The following UNC13C variants were observed in gnomAD, a reference collection of about 807,000 sequenced individuals.
UNC13C encodes unc-13 homolog C.
In UNC13C, 174 loss-of-function variants were observed where a neutral mutation model predicts 245.4. That is an observed-to-expected ratio of 0.71 (90% CI 0.63 to 0.80). UNC13C has a LOEUF of 0.80. UNC13C is among the 30% of genes least tolerant of loss of function. The pLI is 0.00. For synonymous variants in UNC13C, 992 were observed against 895.1 expected, an observed-to-expected ratio of 1.11 and a Z score of -1.93; for missense variants, 2,829 against 2,602.9, an observed-to-expected ratio of 1.09 and a Z score of -1.89.
At chr15:54,446,514 C>T (rs1434355314) in intron 19 of UNC13C, among the ~76,000 whole-genome samples, 1 of 152,144 alleles carries the variant, frequency 6.6e-6, no homozygotes, top group Non-Finnish European at 1.5e-5. Context: ...CTTCACATCC[C>T]TTGTAAGTTG....
chr15:54,053,963 G>A (rs1351523076), intron 2 of UNC13C, among the ~76,000 whole-genome samples: 3 of 152,164 alleles, frequency 2.0e-5, no homozygotes, highest in African/African-American at 7.2e-5. Context: ...TGTTGCAAAT[G>A]ACAGGATCTC....
At chr15:54,060,218 C>T (rs4776203) in intron 2 of UNC13C, among the ~76,000 whole-genome samples, 129,189 of 152,104 alleles carry the variant, frequency 0.85, 55,076 homozygotes, top group Middle Eastern at 0.92. Flanking sequence ...AACCTACTCA[C>T]CTGATAGAGG....
At chr15:54,231,900 A>T (rs928028746) in intron 4 of UNC13C, among the ~76,000 whole-genome samples, 2 of 152,092 alleles carry the variant, frequency 1.3e-5, no homozygotes, top group Admixed American at 6.5e-5. Flanking sequence ...TCTTGCCTAG[A>T]AAGTAAATGA....
rs571720936 is a variant in UNC13C, at chr15:54,556,010, T to C, written c.5958+498T>C. Reference sequence around the variant, plus strand: ...ATTTTCTGCTGAATACCCAAAGATGTCGTTTGTACGCATCAGCTGTTTTCA... The same window carrying C: ...ATTTTCTGCTGAATACCCAAAGATGCCGTTTGTACGCATCAGCTGTTTTCA... On this transcript the variant is annotated intron_variant, in intron 29 of 32. Transcript: ENST00000260323. 2.0e-3 allele frequency among the ~76,000 whole-genome samples: 303 copies of C among 152,228 alleles called. 1 individual carries two copies. Among genetic ancestry groups the C allele is most frequent in the African/African-American group, 7.0e-3 (291 of 41,572 alleles).
At chr15:54,194,377 C>T (rs944322976) in intron 4 of UNC13C, among the ~76,000 whole-genome samples, 25 of 152,138 alleles carry the variant, frequency 1.6e-4, no homozygotes, top group Admixed American at 5.2e-4. Flanking sequence ...TAACATCCTC[C>T]GTTTGTAGAA....
At chr15:53,992,649 C>T (rs939000842) in intron 1 of UNC13C, among the ~76,000 whole-genome samples, 1 of 152,042 alleles carries the variant, frequency 6.6e-6, no homozygotes, top group African/African-American at 2.4e-5. Context: ...CCAACCTGCC[C>T]AAGCTGAGAA....
At chr15:54,310,682 C>T (rs2037844754) in intron 13 of UNC13C, among the ~76,000 whole-genome samples, 1 of 151,510 alleles carries the variant, frequency 6.6e-6, no homozygotes, top group Non-Finnish European at 1.5e-5. Context: ...CATCTTTATG[C>T]CTTGGTACTC....
intron 30 of UNC13C, among the ~76,000 whole-genome samples, chr15:54,578,762 A>G (rs8040060): frequency 0.42 from 63,364 of 151,938 alleles, 13,691 homozygotes; most frequent in East Asian, 0.58. Flanking sequence ...ACCAAGGTGA[A>G]AACTGCTTGA....
intron 2 of UNC13C, among the ~76,000 whole-genome samples, chr15:54,060,295 A>C (rs1157517730): frequency 6.6e-6 from 1 of 152,210 alleles, no homozygotes; most frequent in Admixed American, 6.5e-5. Context: ...ACCCCATCAA[A>C]AAGTGGGCAA....
intron 4 of UNC13C, among the ~76,000 whole-genome samples, chr15:54,169,629 C>T (rs1455735700): frequency 6.6e-6 from 1 of 152,160 alleles, no homozygotes; most frequent in East Asian, 1.9e-4. Flanking sequence ...GCTGCACTGC[C>T]CACCATTCTG....
At chr15:54,446,742 A>G (rs1048170786) in intron 19 of UNC13C, among the ~76,000 whole-genome samples, 2 of 152,180 alleles carry the variant, frequency 1.3e-5, no homozygotes, top group African/African-American at 4.8e-5. Flanking sequence ...GAAAACAGGG[A>G]CAAGTTGACT....
chr15:54,242,979 T>C (rs530619241), intron 7 of UNC13C, among the ~76,000 whole-genome samples: 5 of 152,288 alleles, frequency 3.3e-5, no homozygotes, highest in African/African-American at 7.2e-5. Context: ...CTCTTTTTTT[T>C]CCGTCAACTT....
At chr15:53,969,369 T>C in the UNC13C span, among the ~76,000 whole-genome samples, 149 of 152,270 alleles carry the variant, frequency 9.8e-4, no homozygotes, top group Non-Finnish European at 1.9e-3. Flanking sequence ...TATTTTTGAA[T>C]GTTAATACAT....
intron 1 of UNC13C, among the ~76,000 whole-genome samples, chr15:54,010,651 A>G (rs183703695): frequency 1.2e-4 from 18 of 152,332 alleles, no homozygotes; most frequent in Admixed American, 2.6e-4. Context: ...TTCAAGAAGG[A>G]GGACATATAT....
the UNC13C span, among the ~76,000 whole-genome samples, chr15:53,944,675 G>A: frequency 6.6e-6 from 1 of 152,096 alleles, no homozygotes; most frequent in South Asian, 2.1e-4. Context: ...CCATTGATGG[G>A]CATTTTGGTT....
At chr15:54,534,421 CA>C (rs762165549) in intron 26 of UNC13C, among the ~76,000 whole-genome samples, 174 of 151,880 alleles carry the variant, frequency 1.1e-3, no homozygotes, top group African/African-American at 4.1e-3. Context: ...AATATAAAAG[CA>C]AAAAAACACT....
At chr15:53,841,256 T>G in the UNC13C span, among the ~76,000 whole-genome samples, 1 of 152,156 alleles carries the variant, frequency 6.6e-6, no homozygotes, top group Admixed American at 6.6e-5. Context: ...TTGGTGGAGC[T>G]AGGATTTAAT....
intron 2 of UNC13C, among the ~76,000 whole-genome samples, chr15:54,128,517 T>C (rs2141209320): frequency 6.6e-6 from 1 of 152,332 alleles, no homozygotes; most frequent in South Asian, 2.1e-4. Flanking sequence ...CCTCATTCCC[T>C]TTGATATCTC....
intron 4 of UNC13C, among the ~76,000 whole-genome samples, chr15:54,172,709 T>TAG (rs2033452528): frequency 3.7e-5 from 2 of 54,254 alleles, no homozygotes; most frequent in Non-Finnish European, 6.0e-5. Flanking sequence ...CACAGATATA[T>TAG]ATATATATAT....
Sources: allele counts gnomAD v4.1 joint callset (sites outside exome capture counted in the v4.1 genomes callset), GRCh38; gene constraint gnomAD v4.1.1; transcripts MANE v1.5; gene names NCBI Gene and HGNC (gene_info 2026-07-23, HGNC 2026-07-21).